NPAS2: variants seen among roughly 807,000 people sequenced by gnomAD.
NPAS2 encodes neuronal PAS domain protein 2.
A neutral mutation model predicts 107.5 loss-of-function variants in NPAS2; 23 were observed. That is an observed-to-expected ratio of 0.21 (90% confidence interval 0.15 to 0.30). The LOEUF is 0.30. NPAS2 is among the 10% of genes least tolerant of loss of function. The pLI is 1.00. For synonymous variants in NPAS2, 403 were observed against 417.5 expected (o/e 0.97, Z 0.42); for missense variants, 756 against 1,043.3 (o/e 0.72, Z 3.79).
intron 1 of NPAS2, among the ~76,000 whole-genome samples, chr2:100,840,936 T>A (rs1370916302): frequency 6.6e-6 from 1 of 152,102 alleles, no homozygotes; most frequent in East Asian, 1.9e-4. Context: ...CAGCTGGGGT[T>A]TGCATCTCTG....
In NPAS2 at chr2:100,883,857, G is replaced by A. The variant is rs138847448; in HGVS notation, c.-22-20876G>A. Among the ~76,000 whole-genome samples, 310 of 152,292 alleles carry A rather than the reference G, an allele frequency of 2.0e-3. 1 individual carries two copies. The highest frequency in any genetic ancestry group is 6.6e-3 in the African/African-American group (275 of 41,570). On this transcript the variant is annotated intron_variant, in intron 1 of 20. Coordinates refer to ENST00000335681, the MANE Select transcript of NPAS2 (RefSeq NM_002518.4). ...CGAGGCCACCTACCTGGTCAGTGAT[G>A]GATCAGCACCACAGTTCCCATCTTC...
chr2:100,822,636 CAG>C (rs558307589), intron 1 of NPAS2: 190 of 152,216 alleles, frequency 1.2e-3, no homozygotes, highest in African/African-American at 4.2e-3. Flanking sequence ...TTCATTTTTT[CAG>C]AGTCTTGCTT....
At chr2:100,912,725 A>T (rs984004892) in intron 2 of NPAS2, among the ~76,000 whole-genome samples, 1 of 152,232 alleles carries the variant, frequency 6.6e-6, no homozygotes, top group African/African-American at 2.4e-5. Context: ...TCAAGGGCGA[A>T]TGTCACGGGG....
intron 1 of NPAS2, among the ~76,000 whole-genome samples, chr2:100,837,605 A>G (rs993658989): frequency 2.6e-5 from 4 of 152,102 alleles, no homozygotes; most frequent in African/African-American, 9.7e-5. Context: ...GAGCCACCGC[A>G]CCTGGCCTGG....
chr2:100,939,245 C>T (rs1191829416), intron 5 of NPAS2, among the ~76,000 whole-genome samples: 3 of 152,192 alleles, frequency 2.0e-5, no homozygotes, highest in Non-Finnish European at 4.4e-5. Context: ...AGCGGTGGCC[C>T]ACAAAAGCAT....
chr2:100,881,371 G>A (rs1680328042), intron 1 of NPAS2, among the ~76,000 whole-genome samples: 1 of 152,214 alleles, frequency 6.6e-6, no homozygotes, highest in Non-Finnish European at 1.5e-5. Flanking sequence ...CAGGGGACCT[G>A]TGTGCCCATC....
At chr2:100,872,394 A>G (rs998615064) in intron 1 of NPAS2, among the ~76,000 whole-genome samples, 8 of 152,210 alleles carry the variant, frequency 5.3e-5, no homozygotes, top group African/African-American at 1.9e-4. Context: ...CCTGCAACCT[A>G]GGAAGCCGTC....
At chr2:100,970,896 A>C in intron 11 of NPAS2, 94 bp from the exon 12 acceptor site, 7 of 1,092,092 alleles carry the variant, frequency 6.4e-6, no homozygotes, top group African/African-American at 1.5e-5. Flanking sequence ...GGGGTTACGT[A>C]GAGAACCTCG....
chr2:100,898,842 T>C (rs1681592854), intron 1 of NPAS2, among the ~76,000 whole-genome samples: 1 of 151,600 alleles, frequency 6.6e-6, no homozygotes, highest in South Asian at 2.1e-4. Context: ...GCATATTACA[T>C]GTAAATGTAA....
In NPAS2 at chr2:100,820,989, C is replaced by T; in HGVS notation, c.-23+575C>T. 5 of 1,265,278 alleles carry T rather than the reference C, an allele frequency of 4.0e-6. No individual in the cohort carries two copies. The highest frequency in any genetic ancestry group is 5.2e-6 in the Non-Finnish European group (5 of 964,254). The allele number at this position is 1,265,278 out of a possible 1,614,324, so 78.4% of individuals were successfully genotyped here. On this transcript the variant is annotated intron_variant, in intron 1 of 20. Transcript: ENST00000335681. This position sits in a 1 kb window ranked among gnomAD's most constrained non-coding sequence, Gnocchi z 5.6. ...TGCAGCCTGGCTCCTCACGTCGCTG[C>T]CGCCCCCCCACCCCAACTCCGGAGC...
intron 2 of NPAS2, among the ~76,000 whole-genome samples, chr2:100,916,988 C>T (rs1682918306): frequency 6.6e-6 from 1 of 152,062 alleles, no homozygotes; most frequent in East Asian, 1.9e-4. Flanking sequence ...AATGAACATA[C>T]ATTTCAAAAT....
At chr2:100,923,533 C>G (rs1335907352) in intron 2 of NPAS2, among the ~76,000 whole-genome samples, 4 of 152,182 alleles carry the variant, frequency 2.6e-5, no homozygotes, top group African/African-American at 9.7e-5. Context: ...TAGATACTTA[C>G]ACCTGCTCCA....
intron 1 of NPAS2, among the ~76,000 whole-genome samples, chr2:100,900,507 C>A (rs1681705145): frequency 6.6e-6 from 1 of 152,110 alleles, no homozygotes; most frequent in African/African-American, 2.4e-5. Context: ...AACAGCCTGG[C>A]AGTTTTTAAT....
Position 100,995,393 on chromosome 2 carries a change from T to C in NPAS2, c.2293-7T>C, listed in dbSNP as rs1573825049. The C allele has an allele frequency of 6.2e-7, 1 of 1,607,530 alleles. No homozygotes were observed. Among genetic ancestry groups the C allele is most frequent in the Non-Finnish European group, 8.5e-7 (1 of 1,176,370 alleles). On this transcript the variant is annotated splice_polypyrimidine_tract_variant and splice_region_variant and intron_variant, in intron 20 of 20. Coordinates refer to ENST00000335681, the MANE Select transcript of NPAS2 (RefSeq NM_002518.4). ...ACCTCTGAAGCCCTTTGTTCTTTTT[T>C]TTCTAGGTACAGGCACCAACCTCTT...
intron 7 of NPAS2, among the ~76,000 whole-genome samples, chr2:100,953,554 G>A (rs987129794): frequency 3.9e-5 from 6 of 152,012 alleles, no homozygotes; most frequent in East Asian, 3.9e-4. Context: ...CTAAGCACCC[G>A]GCCCAGAGTT....
chr2:100,938,884 T>A (rs1684527464), intron 5 of NPAS2, among the ~76,000 whole-genome samples: 1 of 152,038 alleles, frequency 6.6e-6, no homozygotes, highest in Non-Finnish European at 1.5e-5. Context: ...AGCCAAAACC[T>A]TCCCCACCAC....
rs751392683 is a variant in NPAS2, at chr2:100,974,789, T to C, written c.1141-14T>C. ...TGATGCTGACATGAGGACTGTTTGA[T>C]GTGTGTGTTTCAGGACAAGGGCTCA... On this transcript the variant is annotated splice_polypyrimidine_tract_variant and intron_variant, in intron 12 of 20. Transcript: ENST00000335681. 8.7e-6 allele frequency: 14 copies of C among 1,612,560 alleles called. No homozygotes were observed. Among genetic ancestry groups the C allele is most frequent in the Middle Eastern group, 1.7e-4 (1 of 6,048 alleles).
At chr2:100,826,597 A>G (rs1676398405) in intron 1 of NPAS2, among the ~76,000 whole-genome samples, 1 of 152,234 alleles carries the variant, frequency 6.6e-6, no homozygotes, top group Admixed American at 6.5e-5. Flanking sequence ...ATAGGACGTT[A>G]TTTAACCCAT....
intron 5 of NPAS2, among the ~76,000 whole-genome samples, chr2:100,941,856 G>A (rs1228401047): frequency 6.6e-6 from 1 of 152,166 alleles, no homozygotes; most frequent in African/African-American, 2.4e-5. Context: ...TGTTTTGAAA[G>A]TTAGCTTCCT....
Sources: gnomAD v4.1 joint callset for allele counts (sites outside exome capture counted in the v4.1 genomes callset) on GRCh38, gnomAD v4.1.1 for gene constraint, Gnocchi (gnomAD v3.1) non-coding constraint, MANE v1.5 for transcripts, NCBI Gene and HGNC (gene_info 2026-07-23, HGNC 2026-07-21) for gene names.